The following PHF21B variants were observed in gnomAD, a reference collection of about 807,000 sequenced individuals.
PHF21B encodes the protein PHD finger protein 21B.
PHF21B carries 22 observed loss-of-function variants against 62.2 expected under a neutral mutation model. The observed-to-expected ratio is 0.35, with a 90% CI of 0.25 to 0.51. PHF21B has a LOEUF of 0.51. Among genes scored for constraint, PHF21B ranks in the 20% least tolerant of loss-of-function variants. The pLI, the probability that PHF21B is intolerant of heterozygous loss-of-function variation, is 0.97. For missense variants in PHF21B, 701 were observed against 707.9 expected, an observed-to-expected ratio of 0.99 and a Z score of 0.11; for synonymous variants, 341 against 314.7, an observed-to-expected ratio of 1.08 and a Z score of -0.88.
chr22:44,937,733 G>A (rs1021247634), intron 2 of PHF21B, among the ~76,000 whole-genome samples: 5 of 152,346 alleles, frequency 3.3e-5, no homozygotes, highest in East Asian at 1.9e-4. Flanking sequence ...CCCACGCCAC[G>A]GGATGCCACT....
chr22:44,891,253 G>T, intron 8 of PHF21B, 53 bp downstream of exon 8: 1 of 1,596,030 alleles, frequency 6.3e-7, no homozygotes, highest in South Asian at 1.1e-5. Flanking sequence ...ACCCAGGGAT[G>T]ACTCCCCGCG....
At chr22:44,989,160 A>G (rs73892222) in intron 2 of PHF21B, 3,909 of 152,278 alleles carry the variant, frequency 0.026, 161 homozygotes, top group African/African-American at 0.089. Context: ...TCACAGGACC[A>G]TAGTCTGAAG....
intron 9 of PHF21B, among the ~76,000 whole-genome samples, chr22:44,888,361 C>T (rs1309016502): frequency 6.6e-6 from 1 of 152,182 alleles, no homozygotes; most frequent in Non-Finnish European, 1.5e-5. Flanking sequence ...GGGGCTGGGG[C>T]ACTGAGCATT....
At chr22:44,986,638 C>T (rs915949232) in intron 2 of PHF21B, among the ~76,000 whole-genome samples, 1 of 151,482 alleles carries the variant, frequency 6.6e-6, no homozygotes, top group Non-Finnish European at 1.5e-5. Flanking sequence ...GGAGATGAGA[C>T]TGAAGAAAGG....
At chr22:44,925,726 C>T (rs1347892776) in intron 2 of PHF21B, among the ~76,000 whole-genome samples, 2 of 152,194 alleles carry the variant, frequency 1.3e-5, no homozygotes, top group Non-Finnish European at 2.9e-5. Flanking sequence ...TCAGGTGCCA[C>T]CTGATGCCCG....
chr22:45,009,430 G>A lies in PHF21B; in HGVS notation c.54+66C>T, dbSNP rs998170299. On this transcript the variant is annotated intron_variant, in intron 1 of 12. Coordinates refer to ENST00000313237, the MANE Select transcript of PHF21B (RefSeq NM_138415.5). This position sits in a 1 kb window ranked among gnomAD's most constrained non-coding sequence, Gnocchi z 5.9. The stretch of plus-strand genomic sequence containing the variant: ...ACCCGGAAGAGAGGATGCTGGGCTC[G>A]GGTCCCCCGACCCCCTCACCCCGCA... 12 of 1,442,568 alleles carry A rather than the reference G, an allele frequency of 8.3e-6. No individual in the cohort carries two copies. The African/African-American group carries it at 1.7e-4, about 21-fold the overall frequency. 89.4% of individuals were successfully genotyped at this position (1,442,568 alleles called of 1,614,324 possible). A position where few individuals can be genotyped will look rare whatever the true frequency, so the allele number is the denominator to read the frequency against.
chr22:44,969,778 G>C (rs1028268145), intron 2 of PHF21B, among the ~76,000 whole-genome samples: 33 of 152,328 alleles, frequency 2.2e-4, no homozygotes, highest in African/African-American at 7.2e-4. Flanking sequence ...GCTGAGTGTA[G>C]ACTTTCCGCT....
intron 2 of PHF21B, among the ~76,000 whole-genome samples, chr22:44,986,191 G>A (rs1055779917): frequency 1.4e-5 from 2 of 145,936 alleles, no homozygotes; most frequent in African/African-American, 5.2e-5. Context: ...ATCACCAGCA[G>A]CATCACCGCC....
At chr22:45,001,944 C>T (rs2073228117) in intron 2 of PHF21B, 1 of 152,252 alleles carries the variant, frequency 6.6e-6, no homozygotes, top group Non-Finnish European at 1.5e-5. Context: ...GATATTCAAA[C>T]TTGTACTGCC....
chr22:44,956,880 C>T (rs1301571872), intron 2 of PHF21B, among the ~76,000 whole-genome samples: 1 of 152,244 alleles, frequency 6.6e-6, no homozygotes, highest in Non-Finnish European at 1.5e-5. Flanking sequence ...ACCCCAGATG[C>T]TCAGGGCTGG....
intron 2 of PHF21B, among the ~76,000 whole-genome samples, chr22:44,987,760 C>T (rs554293872): frequency 1.6e-5 from 1 of 61,890 alleles, no homozygotes; most frequent in South Asian, 8.4e-4. Flanking sequence ...AACACTCTCT[C>T]GTCTCCTCTC....
chr22:45,001,885 C>G (rs923660657), intron 2 of PHF21B: 2 of 152,252 alleles, frequency 1.3e-5, no homozygotes, highest in African/African-American at 4.8e-5. Flanking sequence ...CACCGCCGCT[C>G]TCGCCCAAGG....
chr22:44,956,389 C>T (rs1259584278), intron 2 of PHF21B, among the ~76,000 whole-genome samples: 1 of 152,192 alleles, frequency 6.6e-6, no homozygotes, highest in African/African-American at 2.4e-5. Flanking sequence ...TTACTCAACA[C>T]TTAACGGGGT....
chr22:44,950,347 A>T (rs2072168237), intron 2 of PHF21B, among the ~76,000 whole-genome samples: 1 of 152,212 alleles, frequency 6.6e-6, no homozygotes, highest in African/African-American at 2.4e-5. Context: ...CAATTCATCT[A>T]GTTATGGTGC....
chr22:44,917,306 G>C (rs548893836), intron 3 of PHF21B, among the ~76,000 whole-genome samples: 2 of 152,318 alleles, frequency 1.3e-5, no homozygotes, highest in African/African-American at 2.4e-5. Context: ...GAGGTGATGA[G>C]ACTTACTGGG....
chr22:44,913,369 A>G (rs2147296142), intron 5 of PHF21B, among the ~76,000 whole-genome samples: 1 of 152,280 alleles, frequency 6.6e-6, no homozygotes, highest in East Asian at 1.9e-4. Context: ...AGAGGGGCCC[A>G]TAGCCGGGGC....
At chr22:45,006,877 G>A (rs2073323866) in intron 2 of PHF21B, among the ~76,000 whole-genome samples, 2 of 150,986 alleles carry the variant, frequency 1.3e-5, no homozygotes, top group Non-Finnish European at 1.5e-5. Flanking sequence ...TTTAAAGAAA[G>A]TATCTGATTT....
intron 2 of PHF21B, among the ~76,000 whole-genome samples, chr22:44,965,389 C>T (rs1000563324): frequency 6.6e-6 from 1 of 152,076 alleles, no homozygotes; most frequent in East Asian, 1.9e-4. Context: ...CCACCTGCAC[C>T]CAGTGGAGCT....
intron 2 of PHF21B, among the ~76,000 whole-genome samples, chr22:45,004,409 G>A (rs2073276321): frequency 6.6e-6 from 1 of 152,120 alleles, no homozygotes; most frequent in African/African-American, 2.4e-5. Flanking sequence ...GGGGGATGAA[G>A]GCCACACAGG....
Sources: gnomAD v4.1 joint callset for allele counts (sites outside exome capture counted in the v4.1 genomes callset) on GRCh38, gnomAD v4.1.1 for gene constraint, Gnocchi (gnomAD v3.1) non-coding constraint, MANE v1.5 for transcripts, NCBI Gene and HGNC (gene_info 2026-07-23, HGNC 2026-07-21) for gene names.